POC1B: variants seen among roughly 807,000 people sequenced by gnomAD.
POC1B encodes the protein POC1 centriolar protein homolog B.
A neutral mutation model predicts 60.6 loss-of-function variants in POC1B; 44 were observed. The ratio of observed to expected loss-of-function variants is 0.73; its 90% CI spans 0.57 to 0.93. The LOEUF (loss-of-function observed/expected upper bound fraction) is 0.93, where lower values mean the gene tolerates loss of function less well. Ranked by LOEUF, POC1B falls within the 40% of genes least tolerant of loss-of-function variation. The pLI is 0.00. For missense variants in POC1B, 555 were observed against 572.3 expected (o/e 0.97, Z 0.31); for synonymous variants, 180 against 198.9 (o/e 0.90, Z 0.80).
intron 2 of POC1B, chr12:89,500,037 G>T: frequency 8.9e-7 from 1 of 1,123,436 alleles, no homozygotes. Flanking sequence ...TCCTGGAGCT[G>T]TGGTCTGTGT....
At chr12:89,524,260 A>G (rs367683450) in intron 2 of POC1B, 11 of 1,613,862 alleles carry the variant, frequency 6.8e-6, no homozygotes, top group African/African-American at 6.7e-5. Flanking sequence ...GTATCTCTCA[A>G]TGAGTTCTTC....
intron 2 of POC1B, among the ~76,000 whole-genome samples, chr12:89,517,224 T>C (rs1188850823): frequency 6.6e-6 from 1 of 152,220 alleles, no homozygotes; most frequent in Non-Finnish European, 1.5e-5. Context: ...ACTCTCCTTT[T>C]AGTCCTTACC....
At chr12:89,405,216 T>G in the POC1B span, among the ~76,000 whole-genome samples, 2 of 152,166 alleles carry the variant, frequency 1.3e-5, no homozygotes, top group Non-Finnish European at 2.9e-5. Context: ...TGGAAGGAAA[T>G]TCTCTTGAAG....
At chr12:89,475,265 G>A (rs896492650) in intron 4 of POC1B, among the ~76,000 whole-genome samples, 1 of 152,156 alleles carries the variant, frequency 6.6e-6, no homozygotes, top group African/African-American at 2.4e-5. Flanking sequence ...CCATAGCTGG[G>A]AGAAATTTCC....
rs927613200 is a variant in POC1B at position 89,419,777 on chromosome 12, G to C, written c.*1376C>G. 3 of 152,110 alleles carry C rather than the reference G, an allele frequency of 2.0e-5. No individual in the cohort carries two copies. The highest frequency in any genetic ancestry group is 6.6e-5 in the Admixed American group (1 of 15,266). 9.4% of individuals were successfully genotyped at this position (152,110 alleles called of 1,614,324 possible). A position where few individuals can be genotyped will look rare whatever the true frequency, so the allele number is the denominator to read the frequency against. The stretch of plus-strand genomic sequence containing the variant: ...GAAGCATGACAAAATAAAATTGATA[G>C]GACATTTCATTTCTTACTTAGTCTT... On this transcript the variant is annotated 3_prime_UTR_variant, in exon 12 of 12. Coordinates refer to ENST00000313546, the MANE Select transcript of POC1B (RefSeq NM_172240.3).
At chr12:89,443,753 C>G (rs1291024960) in intron 10 of POC1B, among the ~76,000 whole-genome samples, 1 of 151,806 alleles carries the variant, frequency 6.6e-6, no homozygotes, top group Non-Finnish European at 1.5e-5. Context: ...TAACTAAGAT[C>G]AGAGCAGAAC....
At chr12:89,476,067 C>T (rs879428262) in intron 4 of POC1B, among the ~76,000 whole-genome samples, 43 of 151,884 alleles carry the variant, frequency 2.8e-4, no homozygotes, top group Admixed American at 4.6e-4. Context: ...CCACCTTGCA[C>T]GGCGAAGTTT....
chr12:89,524,735 G>T, intron 2 of POC1B: 1 of 663,384 alleles, frequency 1.5e-6, no homozygotes, highest in Non-Finnish European at 2.6e-6. Context: ...CTCGGCCTCC[G>T]GCACAGCCCA....
chr12:89,516,994 C>T (rs561663575), intron 2 of POC1B, among the ~76,000 whole-genome samples: 5 of 152,232 alleles, frequency 3.3e-5, no homozygotes, highest in Admixed American at 2.0e-4. Flanking sequence ...AGACTTTTTC[C>T]TCCCAAATAA....
intron 2 of POC1B, among the ~76,000 whole-genome samples, chr12:89,503,424 T>C (rs1461071016): frequency 6.6e-6 from 1 of 152,244 alleles, no homozygotes; most frequent in Non-Finnish European, 1.5e-5. Context: ...GTGCTCAATG[T>C]TGCCGAGGCT....
intron 4 of POC1B, among the ~76,000 whole-genome samples, chr12:89,479,282 C>T (rs562738836): frequency 1.3e-5 from 2 of 152,072 alleles, no homozygotes. Context: ...CATAATCTAA[C>T]TATATTTAAC....
chr12:89,423,123 G>A (rs924262939), intron 11 of POC1B, among the ~76,000 whole-genome samples: 7 of 151,896 alleles, frequency 4.6e-5, no homozygotes, highest in African/African-American at 1.2e-4. Flanking sequence ...TCCCACCTCG[G>A]TCTCCTGGGT....
the POC1B span, among the ~76,000 whole-genome samples, chr12:89,401,919 G>A: frequency 6.6e-6 from 1 of 152,322 alleles, no homozygotes; most frequent in Non-Finnish European, 1.5e-5. Flanking sequence ...AACAATACGA[G>A]TCAAACTTTC....
downstream of POC1B, among the ~76,000 whole-genome samples, chr12:89,418,167 A>G (rs1439851640): frequency 6.6e-6 from 1 of 152,178 alleles, no homozygotes; most frequent in African/African-American, 2.4e-5. Flanking sequence ...CTGAACAGGT[A>G]CCAGGTGAGC....
At position 89,456,006 on chromosome 12, in the gene POC1B, TTTGTTG is replaced by T. The variant is rs57046085; in HGVS notation, c.1113+3626_1113+3631del. Among the ~76,000 whole-genome samples, 969 of 148,304 alleles carry T rather than the reference TTTGTTG, an allele frequency of 6.5e-3. 12 individuals are homozygous for T. Among genetic ancestry groups the T allele is most frequent in the African/African-American group, 0.019 (761 of 40,268 alleles). ...ATTTACAGTTAGTTTAAAACTCTTT[TTTGTTG>T]TTGTTGTTGTTGTTGTTGTTGTTGT... On this transcript the variant is annotated intron_variant, in intron 10 of 11. Coordinates refer to ENST00000313546, the MANE Select transcript of POC1B (RefSeq NM_172240.3).
At chr12:89,473,069 T>C (rs893987008) in intron 4 of POC1B, among the ~76,000 whole-genome samples, 1 of 152,080 alleles carries the variant, frequency 6.6e-6, no homozygotes, top group East Asian at 1.9e-4. Flanking sequence ...TTTAGACTAT[T>C]AGAAAACTAT....
intron 2 of POC1B, among the ~76,000 whole-genome samples, chr12:89,503,384 C>A (rs10858886): frequency 7.1e-6 from 1 of 140,642 alleles, no homozygotes; most frequent in Non-Finnish European, 1.6e-5. Flanking sequence ...CCCGAGGTGC[C>A]GGGATTGCAG....
At chr12:89,441,892 G>A (rs1881538428) in intron 10 of POC1B, among the ~76,000 whole-genome samples, 1 of 152,146 alleles carries the variant, frequency 6.6e-6, no homozygotes, top group Non-Finnish European at 1.5e-5. Flanking sequence ...TTAGACGAAT[G>A]GCTAACTAGA....
chr12:89,524,778 C>T, intron 2 of POC1B: 1 of 625,440 alleles, frequency 1.6e-6, no homozygotes, highest in South Asian at 2.0e-5. Flanking sequence ...CTGCTCGGCT[C>T]ACAACTTTTC....
Sources: allele counts gnomAD v4.1 joint callset (sites outside exome capture counted in the v4.1 genomes callset), GRCh38; gene constraint gnomAD v4.1.1; transcripts MANE v1.5; gene names NCBI Gene and HGNC (gene_info 2026-07-23, HGNC 2026-07-21).